Variants in DIAPH3 observed in about 807,000 individuals in gnomAD.
DIAPH3 encodes diaphanous related formin 3, also known as protein diaphanous homolog 3.
DIAPH3 carries 117 observed loss-of-function variants against 144.3 expected under a neutral mutation model. That is an observed-to-expected ratio of 0.81 (90% CI 0.70 to 0.95). DIAPH3 has a LOEUF of 0.95. Among genes scored for constraint, DIAPH3 ranks in the 40% least tolerant of loss-of-function variants. DIAPH3 has a pLI of 0.00. For missense variants in DIAPH3, 1,421 were observed against 1,412.7 expected, an observed-to-expected ratio of 1.01 and a Z score of -0.09; for synonymous variants, 519 against 488.9, an observed-to-expected ratio of 1.06 and a Z score of -0.81.
At chr13:60,073,263 G>A (rs1029108133) in intron 4 of DIAPH3, among the ~76,000 whole-genome samples, 6 of 151,846 alleles carry the variant, frequency 4.0e-5, no homozygotes, top group South Asian at 2.1e-4. Flanking sequence ...GAGCCGAGGC[G>A]GCGCCACTGC....
intron 7 of DIAPH3, among the ~76,000 whole-genome samples, chr13:60,011,737 A>G (rs1045077948): frequency 2.0e-5 from 3 of 152,198 alleles, no homozygotes; most frequent in African/African-American, 7.2e-5. Context: ...TTGAGCAGAT[A>G]CCATGTAGAA....
intron 27 of DIAPH3, among the ~76,000 whole-genome samples, chr13:59,713,375 C>T (rs959108437): frequency 6.6e-6 from 1 of 151,972 alleles, no homozygotes; most frequent in African/African-American, 2.4e-5. Flanking sequence ...TTTTTTGAAA[C>T]CTAAAAAACT....
intron 27 of DIAPH3, among the ~76,000 whole-genome samples, chr13:59,696,851 G>T (rs928972697): frequency 2.0e-5 from 3 of 151,880 alleles, no homozygotes; most frequent in South Asian, 2.1e-4. Flanking sequence ...ACATGTATTT[G>T]CTTCTGCTTG....
intron 25 of DIAPH3, among the ~76,000 whole-genome samples, chr13:59,807,365 A>G (rs542561112): frequency 3.9e-4 from 59 of 152,170 alleles, no homozygotes; most frequent in African/African-American, 1.3e-3. Context: ...GTTGACTTGC[A>G]AAAATTTCAA....
intron 27 of DIAPH3, among the ~76,000 whole-genome samples, chr13:59,670,696 C>T (rs913846626): frequency 2.0e-5 from 3 of 151,904 alleles, no homozygotes; most frequent in Non-Finnish European, 2.9e-5. Flanking sequence ...CATTGTCTTC[C>T]CTCAGCCTCC....
intron 1 of DIAPH3, among the ~76,000 whole-genome samples, chr13:60,157,201 TC>T (rs1566834460): frequency 1.3e-5 from 2 of 152,020 alleles, no homozygotes; most frequent in Admixed American, 1.3e-4. Context: ...TGCCTTGGCC[TC>T]CCAAAGTGCT....
chr13:59,816,676 A>G (rs1195352946), intron 24 of DIAPH3, among the ~76,000 whole-genome samples: 1 of 151,622 alleles, frequency 6.6e-6, no homozygotes, highest in African/African-American at 2.4e-5. Flanking sequence ...TAAATTTCTG[A>G]AGTCAGATGT....
chr13:59,869,350 C>T (rs2044120006), intron 21 of DIAPH3, among the ~76,000 whole-genome samples: 3 of 152,104 alleles, frequency 2.0e-5, no homozygotes, highest in African/African-American at 7.2e-5. Flanking sequence ...CTCTTAGGGT[C>T]CTTGCTGGTC....
chr13:59,787,837 T>A (rs949234316), intron 25 of DIAPH3, among the ~76,000 whole-genome samples: 13 of 152,246 alleles, frequency 8.5e-5, no homozygotes, highest in African/African-American at 2.9e-4. Context: ...GGTGATGAGA[T>A]CATAAGGGCA....
intron 17 of DIAPH3, among the ~76,000 whole-genome samples, chr13:59,939,279 C>G (rs560462455): frequency 6.6e-6 from 1 of 152,102 alleles, no homozygotes; most frequent in East Asian, 1.9e-4. Flanking sequence ...TACAAAATAA[C>G]GATTTCTCTT....
At chr13:59,969,140 C>T (rs371309451) in intron 17 of DIAPH3, among the ~76,000 whole-genome samples, 37 of 152,022 alleles carry the variant, frequency 2.4e-4, no homozygotes, top group African/African-American at 8.2e-4. Flanking sequence ...AGCAGGCCCA[C>T]GAAATTGGAT....
At chr13:60,024,543 T>C (rs2054255189) in intron 5 of DIAPH3, among the ~76,000 whole-genome samples, 1 of 152,124 alleles carries the variant, frequency 6.6e-6, no homozygotes, top group Admixed American at 6.5e-5. Context: ...GTAACACTTT[T>C]ATGATGACTG....
chr13:59,862,678 T>C (rs1326220772), intron 21 of DIAPH3, among the ~76,000 whole-genome samples: 1 of 152,214 alleles, frequency 6.6e-6, no homozygotes, highest in Non-Finnish European at 1.5e-5. Flanking sequence ...CTTGAAAGAA[T>C]ATACATTTAT....
intron 17 of DIAPH3, among the ~76,000 whole-genome samples, chr13:59,966,039 A>G (rs907211047): frequency 6.6e-6 from 1 of 152,190 alleles, no homozygotes; most frequent in Non-Finnish European, 1.5e-5. Context: ...CCAAAAACTT[A>G]CAACAGAGAG....
intron 20 of DIAPH3, among the ~76,000 whole-genome samples, chr13:59,910,063 T>C (rs1593939915): frequency 6.6e-6 from 1 of 152,216 alleles, no homozygotes; most frequent in African/African-American, 2.4e-5. Flanking sequence ...AAAAGCTACT[T>C]GTTAGATAGA....
chr13:60,144,084 A>G (rs1001003887), intron 1 of DIAPH3, among the ~76,000 whole-genome samples: 4 of 152,066 alleles, frequency 2.6e-5, no homozygotes, highest in African/African-American at 7.2e-5. Flanking sequence ...TTCTGTTTGT[A>G]TGTCGCAGGT....
chr13:60,032,700 C>T (rs547021774), intron 5 of DIAPH3, among the ~76,000 whole-genome samples: 282 of 152,338 alleles, frequency 1.9e-3, no homozygotes, highest in Non-Finnish European at 2.8e-3. Flanking sequence ...GGAGGGGCTG[C>T]CAAAGGTCTC....
intron 22 of DIAPH3, among the ~76,000 whole-genome samples, chr13:59,844,653 A>C (rs1419926166): frequency 2.6e-5 from 4 of 152,202 alleles, no homozygotes; most frequent in Non-Finnish European, 5.9e-5. Context: ...CCAAGAAATT[A>C]ATCATATTTT....
intron 1 of DIAPH3, among the ~76,000 whole-genome samples, chr13:60,162,181 G>T (rs1367659494): frequency 6.6e-6 from 1 of 152,096 alleles, no homozygotes; most frequent in East Asian, 1.9e-4. Flanking sequence ...ACATACATAA[G>T]AATGAAAAAC....
Sources: gnomAD v4.1 joint callset for allele counts (sites outside exome capture counted in the v4.1 genomes callset) on GRCh38, gnomAD v4.1.1 for gene constraint, MANE v1.5 for transcripts, NCBI Gene and HGNC (gene_info 2026-07-23, HGNC 2026-07-21) for gene names.